KLF6: variants seen among roughly 807,000 people sequenced by gnomAD.
KLF6 encodes the protein Krueppel-like factor 6.
For synonymous variants in KLF6, 152 were observed against 147.9 expected (o/e 1.03, Z -0.20); for missense variants, 233 against 359.8 (o/e 0.65, Z 2.85).
Position 3,781,502 on chromosome 10 carries a change from T to C in KLF6, c.676+139A>G, listed in dbSNP as rs1832518032. The C allele has an allele frequency of 1.9e-6, 3 of 1,552,224 alleles. No individual in the cohort carries two copies. In the East Asian group the frequency reaches 7.3e-5, roughly 38 times the overall value. On this transcript the variant is annotated intron_variant, in intron 2 of 3. Transcript: ENST00000497571. The surrounding 1 kb of genome is among the most constrained non-coding windows in gnomAD (Gnocchi z 5.8). Reference sequence around the variant, plus strand: ...TGAACTCCAAAAAGACCTAATGCTTTGGTGGAAAACATCTGAGGAAGTGAG... The same window carrying C: ...TGAACTCCAAAAAGACCTAATGCTTCGGTGGAAAACATCTGAGGAAGTGAG...
intron 3 of KLF6, 68 bp from the exon 4 acceptor site, chr10:3,779,658 G>A (rs1224470926): frequency 1.3e-5 from 18 of 1,426,366 alleles, no homozygotes; most frequent in East Asian, 2.3e-5. Flanking sequence ...CTGGACCAGC[G>A]CCCTCACCTC....
At chr10:3,779,656 G>T in intron 3 of KLF6, 66 bp from the exon 4 acceptor site, 2 of 1,463,664 alleles carry the variant, frequency 1.4e-6, no homozygotes, top group South Asian at 2.3e-5. Flanking sequence ...TTCTGGACCA[G>T]CGCCCTCACC....
chr10:3,785,020 G>A lies in KLF6; in HGVS notation c.-6C>T, dbSNP rs1832618837. On this transcript the variant is annotated 5_prime_UTR_variant, in exon 1 of 4. Coordinates refer to ENST00000497571, the MANE Select transcript of KLF6 (RefSeq NM_001300.6). ...CACATGGGGAGCACGTCCATGTCGGGCCGGGTTGGACGGAGCCCGCGGTCG... is the reference window on the plus strand; with the variant it reads ...CACATGGGGAGCACGTCCATGTCGGACCGGGTTGGACGGAGCCCGCGGTCG... The A allele has an allele frequency of 6.2e-7, 1 of 1,610,712 alleles. No individual in the cohort carries two copies. The highest frequency in any genetic ancestry group is 8.5e-7 in the Non-Finnish European group (1 of 1,178,118).
At position 3,776,737 on chromosome 10, in the gene KLF6, A is replaced by AT. The variant is rs71764563; in HGVS notation, c.*2801dup. 112 of 477,626 alleles carry AT rather than the reference A, an allele frequency of 2.3e-4. No homozygotes were observed. Among genetic ancestry groups the AT allele is most frequent in the South Asian group, 6.6e-4 (38 of 57,250 alleles). 29.6% of individuals were successfully genotyped at this position (477,626 alleles called of 1,614,324 possible). ...AAAAAAAGAAATTTCACTAATAGAAATTTTTTTTTAATTTCAAGCAAAAAG... is the reference window on the plus strand; with the variant it reads ...AAAAAAAGAAATTTCACTAATAGAAATTTTTTTTTTAATTTCAAGCAAAAAG... On this transcript the variant is annotated 3_prime_UTR_variant, in exon 4 of 4. Coordinates refer to ENST00000497571, the MANE Select transcript of KLF6 (RefSeq NM_001300.6).
In KLF6 at chr10:3,785,050, G is replaced by A. The variant is rs1452421912; in HGVS notation, c.-36C>T. 6.2e-7 allele frequency: 1 copy of A among 1,609,342 alleles called. No homozygotes were observed. The highest frequency in any genetic ancestry group is 8.5e-7 in the Non-Finnish European group (1 of 1,178,242). On this transcript the variant is annotated 5_prime_UTR_variant, in exon 1 of 4. Coordinates refer to ENST00000497571, the MANE Select transcript of KLF6 (RefSeq NM_001300.6). ...GTTGGACGGAGCCCGCGGTCGCGAG[G>A]GCGGCGAGGCGCGCGGTGGGAGCCG...
rs557269773 is a variant in KLF6 at position 3,779,109 on chromosome 10, T to C, written c.*430A>G. 1.7e-5 allele frequency: 9 copies of C among 536,728 alleles called. No homozygotes were observed. The highest frequency in any genetic ancestry group is 1.5e-4 in the African/African-American group (8 of 54,042). The allele number at this position is 536,728 out of a possible 1,614,324, so 33.2% of individuals were successfully genotyped here. ...CTCCCCCCAAGGAAATGATTGGTGG[T>C]CATCTCATCTCATGGTATACTCCTT... On this transcript the variant is annotated 3_prime_UTR_variant, in exon 4 of 4. Transcript: ENST00000497571.
rs549518757 is a variant in KLF6, at chr10:3,777,284, C to T, written c.*2255G>A. ...AGCTGGGTGAAATATCAGCTGTCCA[C>T]GCCGTGGTATGCCAATTCGGGGAAA... is the stretch of plus-strand genomic sequence containing the variant. On this transcript the variant is annotated 3_prime_UTR_variant, in exon 4 of 4. Coordinates refer to ENST00000497571, the MANE Select transcript of KLF6 (RefSeq NM_001300.6). 8.7e-5 allele frequency: 45 copies of T among 515,862 alleles called. No individual in the cohort carries two copies. Among genetic ancestry groups the T allele is most frequent in the African/African-American group, 5.3e-4 (28 of 52,838 alleles). The allele number at this position is 515,862 out of a possible 1,614,324, so 32.0% of individuals were successfully genotyped here.
Position 3,776,334 on chromosome 10 carries a change from A to AAG in KLF6, c.*3203_*3204dup. 1 of 532,606 alleles carries AAG rather than the reference A, an allele frequency of 1.9e-6. No individual in the cohort carries two copies. The highest frequency in any genetic ancestry group is 1.5e-5 in the South Asian group (1 of 65,150). The allele number at this position is 532,606 out of a possible 1,614,324, so 33.0% of individuals were successfully genotyped here. The stretch of plus-strand genomic sequence containing the variant: ...GGGTTGTTTTTGTCAGTCCTTGGAG[A>AAG]AGAGTATTTGATGCATTCAGGGAGG... On this transcript the variant is annotated 3_prime_UTR_variant, in exon 4 of 4. Coordinates refer to ENST00000497571, the MANE Select transcript of KLF6 (RefSeq NM_001300.6).
chr10:3,783,902 C>G (rs542118478), intron 1 of KLF6, among the ~76,000 whole-genome samples: 1 of 152,002 alleles, frequency 6.6e-6, no homozygotes, highest in African/African-American at 2.4e-5. Context: ...TCCTAGGGAG[C>G]AGCTTCTTTG....
At position 3,785,060 on chromosome 10, in the gene KLF6, C is replaced by A. The variant is rs978282880; in HGVS notation, c.-46G>T. On this transcript the variant is annotated 5_prime_UTR_variant, in exon 1 of 4. Transcript: ENST00000497571. Reference sequence around the variant, plus strand: ...GCCCGCGGTCGCGAGGGCGGCGAGGCGCGCGGTGGGAGCCGGAGCCGAAAG... The same window carrying A: ...GCCCGCGGTCGCGAGGGCGGCGAGGAGCGCGGTGGGAGCCGGAGCCGAAAG... The A allele has an allele frequency of 4.4e-6, 7 of 1,607,612 alleles. No homozygotes were observed. In the Admixed American group the frequency reaches 6.7e-5, roughly 15 times the overall value.
intron 1 of KLF6, 25 bp downstream of exon 1, chr10:3,784,865 CGGCCCGCGCCCCGGCGCCCGCAG>C: frequency 6.4e-7 from 1 of 1,567,872 alleles, no homozygotes; most frequent in African/African-American, 1.4e-5. Context: ...ACAGCCGACC[CGGCCCGCGCCCCGGCGCCCGCAG>C]GGAACCGCGG....
rs1004233866 is a variant in KLF6, at chr10:3,778,170, A to AT, written c.*1368dup. 2.3e-5 allele frequency: 12 copies of AT among 521,534 alleles called. No individual in the cohort carries two copies. The highest frequency in any genetic ancestry group is 4.6e-5 in the South Asian group (3 of 65,076). 32.3% of individuals were successfully genotyped at this position (521,534 alleles called of 1,614,324 possible). On this transcript the variant is annotated 3_prime_UTR_variant, in exon 4 of 4. Coordinates refer to ENST00000497571, the MANE Select transcript of KLF6 (RefSeq NM_001300.6). The stretch of plus-strand genomic sequence containing the variant: ...CTTTGTGAAGGAGGACCTTAAAGAG[A>AT]TTTTTTTTCTGTATTATACGTTGAT...
Position 3,781,375 on chromosome 10 carries a change from T to C in KLF6, c.676+266A>G. 1.4e-6 allele frequency: 2 copies of C among 1,442,314 alleles called. No individual in the cohort carries two copies. The highest frequency in any genetic ancestry group is 1.4e-5 in the South Asian group (1 of 70,028). 89.3% of individuals were successfully genotyped at this position (1,442,314 alleles called of 1,614,324 possible). ...ACTACTAAGGGGTGGGGGGTGGAGG[T>C]TTGGGTGTCCGTGGAGAAAAGGATC... On this transcript the variant is annotated intron_variant, in intron 2 of 3. Coordinates refer to ENST00000497571, the MANE Select transcript of KLF6 (RefSeq NM_001300.6). This position sits in a 1 kb window ranked among gnomAD's most constrained non-coding sequence, Gnocchi z 5.8.
In KLF6 at chr10:3,780,142, G is replaced by A; in HGVS notation, c.764C>T (p.Thr255Ile). The A allele has an allele frequency of 6.2e-7, 1 of 1,614,210 alleles. No homozygotes were observed. Among genetic ancestry groups the A allele is most frequent in the Non-Finnish European group, 8.5e-7 (1 of 1,180,026 alleles). ...DELTRHFRKHTGAKPFKCSHC... is the reference protein window; with the variant it reads ...DELTRHFRKHIGAKPFKCSHC... ...GGAGCATTTAAAAGGCTTGGCCCCGGTGTGCTTTCGGAAGTGCCTGGTTAA... is the reference window on the plus strand; with the variant it reads ...GGAGCATTTAAAAGGCTTGGCCCCGATGTGCTTTCGGAAGTGCCTGGTTAA... The change falls in exon 3 of 4, where the codon ACC becomes ATC. Residue 255 changes from threonine (T) to isoleucine (I), a missense_variant. Physicochemically the swap from Thr to Ile is moderately conservative, Grantham distance 89. Coordinates refer to ENST00000497571, the MANE Select transcript of KLF6 (RefSeq NM_001300.6). The surrounding 1 kb of genome is among the most constrained non-coding windows in gnomAD (Gnocchi z 4.6).
Position 3,778,597 on chromosome 10 carries a change from G to T in KLF6, c.*942C>A, listed in dbSNP as rs898624827. On this transcript the variant is annotated 3_prime_UTR_variant, in exon 4 of 4. Transcript: ENST00000497571. Reference sequence around the variant, plus strand: ...TCCTGTGTTGCACAATGCCTTTCTGGAAGGGGAGTGTTACAAACTTGGAGG... The same window carrying T: ...TCCTGTGTTGCACAATGCCTTTCTGTAAGGGGAGTGTTACAAACTTGGAGG... 1 of 514,388 alleles carries T rather than the reference G, an allele frequency of 1.9e-6. No homozygotes were observed. The highest frequency in any genetic ancestry group is 1.9e-5 in the African/African-American group (1 of 52,736). The allele number at this position is 514,388 out of a possible 1,614,324, so 31.9% of individuals were successfully genotyped here.
Position 3,782,169 on chromosome 10 carries a change from C to T in KLF6, c.148G>A (p.Val50Ile), listed in dbSNP as rs770573018. 6.2e-7 allele frequency: 1 copy of T among 1,611,660 alleles called. No individual in the cohort carries two copies. Among genetic ancestry groups the T allele is most frequent in the South Asian group, 1.1e-5 (1 of 91,084 alleles). ...ERYLQSEPCY[V>I]SASEIKFDSQ... ...TCAAATTTGATTTCTGAGGCTGAAACATAGCAGGGCTCGCTCTGGAGGTAA... is the reference window on the plus strand; with the variant it reads ...TCAAATTTGATTTCTGAGGCTGAAATATAGCAGGGCTCGCTCTGGAGGTAA... The change falls in exon 2 of 4, where the codon GTT (valine) becomes ATT (isoleucine). Residue 50 changes from valine (V) to isoleucine (I), a missense_variant. Coordinates refer to ENST00000497571, the MANE Select transcript of KLF6 (RefSeq NM_001300.6). This position sits in a 1 kb window ranked among gnomAD's most constrained non-coding sequence, Gnocchi z 4.3.
rs565253363 is a variant in KLF6, at chr10:3,776,501, G to A, written c.*3038C>T. ...GGAAGCCAGGGTGATGAATGCAGGA[G>A]GAATCTGTTCCAACAACCCCCTTCC... On this transcript the variant is annotated 3_prime_UTR_variant, in exon 4 of 4. Coordinates refer to ENST00000497571, the MANE Select transcript of KLF6 (RefSeq NM_001300.6). 8 of 530,004 alleles carry A rather than the reference G, an allele frequency of 1.5e-5. No homozygotes were observed. In the East Asian group the frequency reaches 3.2e-4, roughly 21 times the overall value. The allele number at this position is 530,004 out of a possible 1,614,324, so 32.8% of individuals were successfully genotyped here.
rs61731927 is a variant in KLF6, at chr10:3,781,824, C to A, written c.493G>T (p.Val165Leu). The A allele has an allele frequency of 1.2e-6, 2 of 1,614,202 alleles. No homozygotes were observed. Among genetic ancestry groups the A allele is most frequent in the Non-Finnish European group, 1.7e-6 (2 of 1,180,036 alleles). Residue 165 changes from valine to leucine, a missense_variant, in exon 2 of 4, where the codon GTG (valine) becomes TTG (leucine). Transcript: ENST00000497571. The surrounding 1 kb of genome is among the most constrained non-coding windows in gnomAD (Gnocchi z 5.8). ...CCTGGCGAGGGCAGCTCCCCGGGCA[C>A]GCAACCCCACAGTTGAGAAGGTTCC... ...SREPSQLWGC[V>L]PGELPSPGKV...
chr10:3,777,417 G>C lies in KLF6; in HGVS notation c.*2122C>G, dbSNP rs1423091319. On this transcript the variant is annotated 3_prime_UTR_variant, in exon 4 of 4. Transcript: ENST00000497571. ...CTGTGGTTAGCTTACTCTTAGGTTA[G>C]ATCTTCTAATAAGGCTGAAATTCAA... 3 of 510,700 alleles carry C rather than the reference G, an allele frequency of 5.9e-6. No individual in the cohort carries two copies. Among genetic ancestry groups the C allele is most frequent in the South Asian group, 4.6e-5 (3 of 64,980 alleles). 31.6% of individuals were successfully genotyped at this position (510,700 alleles called of 1,614,324 possible).
Sources: gnomAD v4.1 joint callset for allele counts (sites outside exome capture counted in the v4.1 genomes callset) on GRCh38, gnomAD v4.1.1 for gene constraint, Gnocchi (gnomAD v3.1) non-coding constraint, MANE v1.5 for transcripts, NCBI Gene and HGNC (gene_info 2026-07-23, HGNC 2026-07-21) for gene names.